ZNF804B: variants seen among roughly 807,000 people sequenced by gnomAD.
The protein encoded by ZNF804B is zinc finger protein 804B, also known as zinc finger 804B.
ZNF804B carries 80 observed loss-of-function variants against 101.4 expected under a neutral mutation model. The observed-to-expected ratio is 0.79, with a 90% CI of 0.66 to 0.95. The LOEUF is 0.95. Among genes scored for constraint, ZNF804B ranks in the 40% least tolerant of loss-of-function variants. The pLI is 0.00. For missense variants in ZNF804B, 1,673 were observed against 1,561.9 expected (o/e 1.07, Z -1.20); for synonymous variants, 622 against 558.8 (o/e 1.11, Z -1.59).
chr7:88,960,218 A>T (rs544076940), intron 1 of ZNF804B, among the ~76,000 whole-genome samples: 1 of 151,510 alleles, frequency 6.6e-6, no homozygotes, highest in East Asian at 2.0e-4. Context: ...GGTGAAGATT[A>T]TGGGCTATGA....
chr7:89,086,139 A>G (rs1027817006), intron 1 of ZNF804B, among the ~76,000 whole-genome samples: 15 of 151,762 alleles, frequency 9.9e-5, no homozygotes, highest in Non-Finnish European at 5.9e-5. Flanking sequence ...CTGTGATTTT[A>G]TTTATTTATT....
At chr7:89,210,355 C>T (rs934819767) in intron 1 of ZNF804B, among the ~76,000 whole-genome samples, 12 of 151,890 alleles carry the variant, frequency 7.9e-5, no homozygotes, top group East Asian at 1.9e-4. Context: ...TTTTATTTTA[C>T]GTTCCTGGGT....
chr7:89,119,581 CT>C (rs1790367499), intron 1 of ZNF804B, among the ~76,000 whole-genome samples: 1 of 152,166 alleles, frequency 6.6e-6, no homozygotes, highest in Non-Finnish European at 1.5e-5. Context: ...GCCTCTGAGT[CT>C]GATATGCTTT....
intron 2 of ZNF804B, among the ~76,000 whole-genome samples, chr7:89,294,277 A>G (rs1790345816): frequency 6.6e-6 from 1 of 152,184 alleles, no homozygotes; most frequent in African/African-American, 2.4e-5. Context: ...TGTAATGCCA[A>G]ATGTCTTTGT....
intron 1 of ZNF804B, among the ~76,000 whole-genome samples, chr7:88,814,621 G>A (rs1240379708): frequency 6.6e-6 from 1 of 151,898 alleles, no homozygotes; most frequent in Non-Finnish European, 1.5e-5. Context: ...GTTTAAATTT[G>A]GCCTCTATAT....
intron 1 of ZNF804B, among the ~76,000 whole-genome samples, chr7:89,140,296 C>G (rs10229412): frequency 0.87 from 132,579 of 151,924 alleles, 58,002 homozygotes; most frequent in African/African-American, 0.95. Context: ...GTGGCTCTAG[C>G]ATTTTCGGAA....
At chr7:89,306,198 A>T (rs1039489234) in intron 2 of ZNF804B, among the ~76,000 whole-genome samples, 2 of 151,972 alleles carry the variant, frequency 1.3e-5, no homozygotes, top group Non-Finnish European at 2.9e-5. Flanking sequence ...CTGAATTACA[A>T]ATTACAGTTA....
intron 2 of ZNF804B, among the ~76,000 whole-genome samples, chr7:89,295,023 A>G (rs1390976854): frequency 2.0e-5 from 3 of 152,084 alleles, no homozygotes; most frequent in Non-Finnish European, 4.4e-5. Context: ...CTGCTTGCCA[A>G]TTCTTGGCAG....
intron 1 of ZNF804B, among the ~76,000 whole-genome samples, chr7:88,861,683 A>G (rs17164832): frequency 0.016 from 2,485 of 152,234 alleles, 51 homozygotes; most frequent in African/African-American, 0.041. Context: ...GTAGGTCTGC[A>G]CTTACTCTTT....
chr7:89,069,213 G>A (rs546688791), intron 1 of ZNF804B, among the ~76,000 whole-genome samples: 2 of 152,282 alleles, frequency 1.3e-5, no homozygotes, highest in Admixed American at 1.3e-4. Context: ...TGGCCAAGAT[G>A]GCAAGAGAAA....
intron 1 of ZNF804B, among the ~76,000 whole-genome samples, chr7:88,867,853 T>C (rs80202066): frequency 0.028 from 4,336 of 152,206 alleles, 220 homozygotes; most frequent in African/African-American, 0.098. Flanking sequence ...TAAACTGAAA[T>C]ATAGAGAAAT....
At chr7:88,803,237 G>A (rs1790634968) in intron 1 of ZNF804B, among the ~76,000 whole-genome samples, 1 of 152,068 alleles carries the variant, frequency 6.6e-6, no homozygotes. Context: ...TGTAAGTCTA[G>A]GATAGTCTAG....
intron 1 of ZNF804B, among the ~76,000 whole-genome samples, chr7:89,060,899 T>G (rs1483198179): frequency 6.6e-6 from 1 of 152,136 alleles, no homozygotes; most frequent in Non-Finnish European, 1.5e-5. Flanking sequence ...TTTCTTGATA[T>G]CCTGGCTTTA....
At chr7:89,090,375 G>C (rs1265286835) in intron 1 of ZNF804B, among the ~76,000 whole-genome samples, 1 of 151,974 alleles carries the variant, frequency 6.6e-6, no homozygotes, top group Admixed American at 6.6e-5. Context: ...AAAAGTTTCA[G>C]GATAGAATAA....
Position 89,334,226 on chromosome 7 carries a change from A to C in ZNF804B, c.1244A>C (p.Asp415Ala). 6.2e-7 allele frequency: 1 copy of C among 1,613,578 alleles called. No individual in the cohort carries two copies. The highest frequency in any genetic ancestry group is 8.5e-7 in the Non-Finnish European group (1 of 1,179,792). Residue 415 changes from aspartate (D) to alanine (A), a missense_variant, in exon 4 of 4, where the codon GAT becomes GCT. Transcript: ENST00000333190. The stretch of plus-strand genomic sequence containing the variant: ...ATAGAGAACAGAGAAAAATCTTTAG[A>C]TAAAACAGAAAGAGTTAGCAAAAAT... ...SRIENREKSLDKTERVSKNVQ... is the reference protein window; with the variant it reads ...SRIENREKSLAKTERVSKNVQ...
Position 89,219,899 on chromosome 7 carries a change from ATG to A in ZNF804B, c.249+1611_249+1612del, listed in dbSNP as rs1172164951. Among the ~76,000 whole-genome samples, 93 of 148,120 alleles carry A rather than the reference ATG, an allele frequency of 6.3e-4. 1 individual carries two copies. The highest frequency in any genetic ancestry group is 2.0e-3 in the African/African-American group (81 of 39,996). ...AGTATATGTGTGTATATATGTATAT[ATG>A]TGTGTGCATATATATGTATATACAT... On this transcript the variant is annotated intron_variant, in intron 2 of 3. Transcript: ENST00000333190.
At chr7:88,935,358 G>A (rs1269045061) in intron 1 of ZNF804B, among the ~76,000 whole-genome samples, 4 of 130,222 alleles carry the variant, frequency 3.1e-5, no homozygotes, top group African/African-American at 1.2e-4. Flanking sequence ...AACTATTGAA[G>A]TAAAAGTAAT....
chr7:89,036,516 C>T lies in ZNF804B; in HGVS notation c.109-181639C>T, dbSNP rs768977200. Among the ~76,000 whole-genome samples the T allele has an allele frequency of 6.5e-4, 99 of 151,964 alleles. 1 individual carries two copies. The highest frequency in any genetic ancestry group is 6.2e-4 in the South Asian group (3 of 4,818). ...TAAAGCATTTATGATAAGGGTAAAA[C>T]GGAAATTAGTTAATATGATTTTTAT... On this transcript the variant is annotated intron_variant, in intron 1 of 3. Coordinates refer to ENST00000333190, the MANE Select transcript of ZNF804B (RefSeq NM_181646.5).
At chr7:88,778,885 C>T (rs1221436012) in intron 1 of ZNF804B, among the ~76,000 whole-genome samples, 3 of 152,166 alleles carry the variant, frequency 2.0e-5, no homozygotes, top group East Asian at 1.9e-4. Context: ...ATGGAAAGTG[C>T]ACATTAAACA....
Sources: gnomAD v4.1 joint callset for allele counts (sites outside exome capture counted in the v4.1 genomes callset) on GRCh38, gnomAD v4.1.1 for gene constraint, MANE v1.5 for transcripts, NCBI Gene and HGNC (gene_info 2026-07-23, HGNC 2026-07-21) for gene names.